TESK2: variants seen among roughly 807,000 people sequenced by gnomAD.
TESK2 encodes the protein testis associated actin remodelling kinase 2.
TESK2 carries 39 observed loss-of-function variants against 57.1 expected under a neutral mutation model. That is an observed-to-expected ratio of 0.68 (90% CI 0.53 to 0.89). The LOEUF is 0.89. Among genes scored for constraint, TESK2 ranks in the 40% least tolerant of loss-of-function variants. The probability of loss-of-function intolerance (pLI) is 0.00; values close to 1 mark genes in which losing one functional copy is unlikely to be tolerated. For missense variants in TESK2, 646 were observed against 732.1 expected, an observed-to-expected ratio of 0.88 and a Z score of 1.36; for synonymous variants, 249 against 267.9, an observed-to-expected ratio of 0.93 and a Z score of 0.69.
intron 2 of TESK2, among the ~76,000 whole-genome samples, chr1:45,423,124 G>A (rs1156877091): frequency 6.6e-6 from 1 of 152,082 alleles, no homozygotes; most frequent in Non-Finnish European, 1.5e-5. Flanking sequence ...TGAGTCTTAA[G>A]ACACCAACAG....
At chr1:45,481,182 G>A (rs1211355478) in intron 1 of TESK2, among the ~76,000 whole-genome samples, 6 of 151,788 alleles carry the variant, frequency 4.0e-5, no homozygotes, top group Admixed American at 2.0e-4. Flanking sequence ...TGGCTAATAC[G>A]GTGAAACCCC....
At chr1:45,378,175 G>C (rs897813223) in intron 4 of TESK2, among the ~76,000 whole-genome samples, 1 of 152,166 alleles carries the variant, frequency 6.6e-6, no homozygotes, top group Non-Finnish European at 1.5e-5. Flanking sequence ...AATATACAGA[G>C]AGATCTGAGA....
At chr1:45,347,881 T>C in intron 6 of TESK2, 37 bp downstream of exon 6, 1 of 1,558,132 alleles carries the variant, frequency 6.4e-7, no homozygotes, top group Non-Finnish European at 8.9e-7. Context: ...TTCAGCCCCC[T>C]GTCCCTTGGA....
In TESK2 at chr1:45,403,882, G is replaced by GAAAAAAAAAAA. The variant is rs562862639; in HGVS notation, c.344+17832_344+17842dup. Among the ~76,000 whole-genome samples the GAAAAAAAAAAA allele has an allele frequency of 2.4e-5, 2 of 84,880 alleles. 1 individual carries two copies. The highest frequency in any genetic ancestry group is 7.5e-5 in the African/African-American group (2 of 26,686). The allele number at this position is 84,880 out of a possible 152,430, so 55.7% of individuals were successfully genotyped here. Reference sequence around the variant, plus strand: ...CATTGCTCAAAACTGCCATGCAAGCGAAAAAAAAAAAAAAAAACAAGTCTC... The same window carrying GAAAAAAAAAAA: ...CATTGCTCAAAACTGCCATGCAAGCGAAAAAAAAAAAAAAAAAAAAAAAAAAAACAAGTCTC... On this transcript the variant is annotated intron_variant, in intron 3 of 10. Transcript: ENST00000372086.
chr1:45,347,524 T>G (rs1327245051), intron 7 of TESK2, 85 bp downstream of exon 7: 20 of 1,320,974 alleles, frequency 1.5e-5, no homozygotes, highest in Non-Finnish European at 2.1e-5. Context: ...GCCACTGCAT[T>G]CCAGCCTGAG....
intron 8 of TESK2, 84 bp from the exon 9 acceptor site, chr1:45,346,863 G>T: frequency 6.5e-7 from 1 of 1,533,490 alleles, no homozygotes; most frequent in Non-Finnish European, 9.0e-7. Flanking sequence ...GTGGTTGGGA[G>T]CTGCCCCTGA....
intron 1 of TESK2, among the ~76,000 whole-genome samples, chr1:45,484,782 A>G (rs1653387887): frequency 6.6e-6 from 1 of 151,530 alleles, no homozygotes; most frequent in Non-Finnish European, 1.5e-5. Context: ...CTGTAATCCC[A>G]GCACTTTGGG....
At chr1:45,397,950 C>G (rs1041443974) in intron 3 of TESK2, among the ~76,000 whole-genome samples, 1 of 152,192 alleles carries the variant, frequency 6.6e-6, no homozygotes, top group Non-Finnish European at 1.5e-5. Context: ...CTCTATCACT[C>G]AGGCTGGAGT....
At chr1:45,410,618 T>C (rs114085382) in intron 3 of TESK2, among the ~76,000 whole-genome samples, 1 of 150,548 alleles carries the variant, frequency 6.6e-6, no homozygotes, top group Non-Finnish European at 1.5e-5. Flanking sequence ...AAAAAAAAAA[T>C]TTTTTTTTAA....
intron 5 of TESK2, among the ~76,000 whole-genome samples, chr1:45,354,351 T>G (rs1647317137): frequency 6.6e-6 from 1 of 151,906 alleles, no homozygotes. Flanking sequence ...AAAGGCTGGG[T>G]ATGGTGGCTC....
intron 3 of TESK2, among the ~76,000 whole-genome samples, chr1:45,392,372 T>C (rs1649181678): frequency 1.3e-5 from 2 of 152,144 alleles, no homozygotes; most frequent in Non-Finnish European, 2.9e-5. Flanking sequence ...CCCAAAGTGC[T>C]GGGATTACAG....
rs1335183606 is a variant in TESK2 at position 45,347,679 on chromosome 1, T to C, written c.638A>G (p.Lys213Arg). 5.0e-6 allele frequency: 8 copies of C among 1,614,194 alleles called. No homozygotes were observed. The Admixed American group carries it at 1.3e-4, about 27-fold the overall frequency. ...GAATGGGGAACCCACCACGGCCAGCTTCTCACTCCCCATGCTGTGGGGTGA... is the reference window on the plus strand; with the variant it reads ...GAATGGGGAACCCACCACGGCCAGCCTCTCACTCCCCATGCTGTGGGGTGA... ...KIPDVSMGSE[K>R]LAVVGSPFWM... Residue 213 changes from lysine (K) to arginine (R), a missense_variant, in exon 7 of 11, where the codon AAG becomes AGG. Transcript: ENST00000372086.
chr1:45,368,423 G>A (rs1648035591), intron 4 of TESK2, among the ~76,000 whole-genome samples: 1 of 151,880 alleles, frequency 6.6e-6, no homozygotes, highest in Non-Finnish European at 1.5e-5. Context: ...TGCCCAGGCT[G>A]GGCTGCAGTG....
intron 1 of TESK2, among the ~76,000 whole-genome samples, chr1:45,482,753 G>T (rs551590528): frequency 6.6e-6 from 1 of 150,922 alleles, no homozygotes; most frequent in South Asian, 2.1e-4. Context: ...GCCAAGGGGG[G>T]TGGATCACCT....
At chr1:45,473,127 G>A (rs562171219) in intron 1 of TESK2, among the ~76,000 whole-genome samples, 1 of 147,968 alleles carries the variant, frequency 6.8e-6, no homozygotes, top group East Asian at 2.0e-4. Flanking sequence ...GCACTCCCTG[G>A]CAAGACAGTA....
chr1:45,435,660 T>C (rs545642923), intron 2 of TESK2, among the ~76,000 whole-genome samples: 1 of 145,904 alleles, frequency 6.9e-6, no homozygotes, highest in Admixed American at 7.0e-5. Context: ...AATAACATGC[T>C]GAAACCCCTA....
intron 4 of TESK2, among the ~76,000 whole-genome samples, chr1:45,366,628 CA>C (rs1271884385): frequency 6.6e-6 from 1 of 152,130 alleles, no homozygotes; most frequent in Non-Finnish European, 1.5e-5. Flanking sequence ...AGGTCCTGCT[CA>C]ATTTTGTAAG....
At position 45,468,750 on chromosome 1, in the gene TESK2, A is replaced by G. The variant is rs78445610; in HGVS notation, c.-86-10879T>C. 5.6e-4 allele frequency among the ~76,000 whole-genome samples: 85 copies of G among 152,294 alleles called. No individual in the cohort carries two copies. The East Asian group carries it at 0.013, about 23-fold the overall frequency. On this transcript the variant is annotated intron_variant, in intron 1 of 10. Transcript: ENST00000372086. ...AAAAACATAAGGCGTTATTGTCACA[A>G]TGATGGGGGTGTGGGATGAGCACTA...
chr1:45,460,412 C>T (rs1484940973), intron 1 of TESK2, among the ~76,000 whole-genome samples: 2 of 151,946 alleles, frequency 1.3e-5, no homozygotes, highest in African/African-American at 2.4e-5. Flanking sequence ...CCCAGCTACT[C>T]GGGAAGCTGA....
Sources: allele counts gnomAD v4.1 joint callset (sites outside exome capture counted in the v4.1 genomes callset), GRCh38; gene constraint gnomAD v4.1.1; transcripts MANE v1.5; gene names NCBI Gene and HGNC (gene_info 2026-07-23, HGNC 2026-07-21).